Variants in MYO1B observed in about 807,000 individuals in gnomAD.
MYO1B encodes unconventional myosin-Ib.
In MYO1B, 72 loss-of-function variants were observed where a neutral mutation model predicts 159.7. That is an observed-to-expected ratio of 0.45 (90% CI 0.37 to 0.55). The LOEUF (loss-of-function observed/expected upper bound fraction) is 0.55. Among genes scored for constraint, MYO1B ranks in the 20% least tolerant of loss-of-function variants. The pLI, the probability that MYO1B is intolerant of heterozygous loss-of-function variation, is 0.00. For synonymous variants in MYO1B, 468 were observed against 473.8 expected (o/e 0.99, Z 0.16); for missense variants, 1,062 against 1,364.8 (o/e 0.78, Z 3.50).
At chr2:191,273,381 C>G (rs1687572597) in intron 1 of MYO1B, among the ~76,000 whole-genome samples, 1 of 152,186 alleles carries the variant, frequency 6.6e-6, no homozygotes, top group South Asian at 2.1e-4. Flanking sequence ...CCTCGGCCTC[C>G]CAAAGTGTTG....
At chr2:191,267,683 G>A (rs1050805957) in intron 1 of MYO1B, among the ~76,000 whole-genome samples, 1 of 152,178 alleles carries the variant, frequency 6.6e-6, no homozygotes, top group Non-Finnish European at 1.5e-5. Context: ...CACCCCGTGT[G>A]GTTCTGTGTG....
intron 11 of MYO1B, among the ~76,000 whole-genome samples, chr2:191,366,703 G>C (rs1179651663): frequency 6.6e-6 from 1 of 151,948 alleles, no homozygotes; most frequent in Non-Finnish European, 1.5e-5. Context: ...TTTATTCCTT[G>C]CTAGTTCTCT....
chr2:191,313,192 C>CTTTTTTTTTTTTT lies in MYO1B; in HGVS notation c.252-16720_252-16708dup, dbSNP rs762175060. Among the ~76,000 whole-genome samples, 60 of 43,012 alleles carry CTTTTTTTTTTTTT rather than the reference C, an allele frequency of 1.4e-3. 15 individuals are homozygous for CTTTTTTTTTTTTT. The highest frequency in any genetic ancestry group is 4.8e-3 in the East Asian group (6 of 1,256). The allele number at this position is 43,012 out of a possible 152,430, so 28.2% of individuals were successfully genotyped here. The stretch of plus-strand genomic sequence containing the variant: ...TAGTTATAATATCTGGCACACATGG[C>CTTTTTTTTTTTTT]TTTTTTTTTTTTTTTTTTTTTTTTT... On this transcript the variant is annotated intron_variant, in intron 3 of 30. Coordinates refer to ENST00000392318, the MANE Select transcript of MYO1B (RefSeq NM_001130158.3).
rs199750065 is a variant in MYO1B, at chr2:191,369,633, T to G, written c.1119+5T>G. 1 of 1,604,030 alleles carries G rather than the reference T, an allele frequency of 6.2e-7. No individual in the cohort carries two copies. The highest frequency in any genetic ancestry group is 1.3e-5 in the African/African-American group (1 of 74,820). ...CGAATCAATGAAAGCATTAAGGTAC[T>G]GAATTTCTATGAGCAAAATCAGTTG... On this transcript the variant is annotated splice_donor_5th_base_variant and intron_variant, in intron 12 of 30. Coordinates refer to ENST00000392318, the MANE Select transcript of MYO1B (RefSeq NM_001130158.3).
chr2:191,409,322 A>G, intron 26 of MYO1B, 144 bp downstream of exon 26: 2 of 952,414 alleles, frequency 2.1e-6, no homozygotes, highest in Non-Finnish European at 1.5e-6. Flanking sequence ...TCCCCCATGC[A>G]CCATATTGAG....
At chr2:191,366,436 A>C (rs528266592) in intron 11 of MYO1B, among the ~76,000 whole-genome samples, 1 of 151,502 alleles carries the variant, frequency 6.6e-6, no homozygotes, top group African/African-American at 2.4e-5. Flanking sequence ...CTACTGATCT[A>C]TTGCCTGGGA....
At chr2:191,292,116 G>A (rs1320657527) in intron 2 of MYO1B, among the ~76,000 whole-genome samples, 1 of 152,308 alleles carries the variant, frequency 6.6e-6, no homozygotes, top group East Asian at 1.9e-4. Flanking sequence ...AAGATAAAGA[G>A]GATATCTGAA....
intron 30 of MYO1B, among the ~76,000 whole-genome samples, chr2:191,419,453 T>G (rs913070991): frequency 6.6e-6 from 1 of 152,052 alleles, no homozygotes; most frequent in Admixed American, 6.6e-5. Context: ...CTCCTGACCT[T>G]GTGATCTGCC....
chr2:191,354,958 A>G (rs1377255840), intron 7 of MYO1B, among the ~76,000 whole-genome samples: 2 of 152,220 alleles, frequency 1.3e-5, no homozygotes, highest in Non-Finnish European at 2.9e-5. Context: ...CCCTGTGTCG[A>G]CAGCCTTGAT....
Position 191,256,963 on chromosome 2 carries a change from T to A in MYO1B, c.-10+11337T>A, listed in dbSNP as rs567783378. Among the ~76,000 whole-genome samples the A allele has an allele frequency of 2.6e-5, 4 of 152,026 alleles. No individual in the cohort carries two copies. In the South Asian group the frequency reaches 8.3e-4, roughly 32 times the overall value. ...TTCTGTGAATTTTTTTTTTAATCTG[T>A]CATTATTTTCCCTTTTTGTTTGTTC... On this transcript the variant is annotated intron_variant, in intron 1 of 30. Transcript: ENST00000392318.
chr2:191,364,159 G>A lies in MYO1B; in HGVS notation c.915G>A (p.Glu305=). The part of the protein sequence containing the change: ...LDESKIKDKN[E]LKEICELTGI... ...TGTCCATCCCCTGCCTTCCCACAGA[G>A]TTAAAAGAAATTTGTGAATTGACCG... Residue 305 remains glutamate, a splice_region_variant and synonymous_variant, in exon 11 of 31, where the codon GAG becomes GAA. Transcript: ENST00000392318. 1 of 1,613,494 alleles carries A rather than the reference G, an allele frequency of 6.2e-7. No homozygotes were observed.
chr2:191,252,222 T>C (rs1686165169), intron 1 of MYO1B, among the ~76,000 whole-genome samples: 1 of 152,242 alleles, frequency 6.6e-6, no homozygotes, highest in African/African-American at 2.4e-5. Context: ...ACCCCTGATA[T>C]AGTGAGCCAT....
intron 21 of MYO1B, among the ~76,000 whole-genome samples, chr2:191,399,999 C>G (rs910799099): frequency 7.2e-5 from 11 of 152,158 alleles, no homozygotes; most frequent in African/African-American, 2.7e-4. Context: ...AAAAGGACAG[C>G]TACAGTTACA....
chr2:191,306,126 C>T (rs754350812), intron 3 of MYO1B, among the ~76,000 whole-genome samples: 7 of 152,180 alleles, frequency 4.6e-5, no homozygotes, highest in East Asian at 1.9e-4. Context: ...GGAGAAACAA[C>T]GTGGGGAAGG....
At chr2:191,286,353 A>G (rs1688370658) in intron 2 of MYO1B, among the ~76,000 whole-genome samples, 1 of 152,036 alleles carries the variant, frequency 6.6e-6, no homozygotes, top group African/African-American at 2.4e-5. Context: ...AAAAAAAAAA[A>G]AAGACCGAGG....
chr2:191,362,238 A>C (rs1021890453), intron 8 of MYO1B, 30 bp from the exon 9 acceptor site: 2 of 1,557,524 alleles, frequency 1.3e-6, no homozygotes, highest in Non-Finnish European at 1.8e-6. Flanking sequence ...TATTGAAGCA[A>C]CTTAACAACT....
intron 8 of MYO1B, among the ~76,000 whole-genome samples, chr2:191,361,090 A>T (rs1183738920): frequency 2.6e-5 from 4 of 152,182 alleles, no homozygotes; most frequent in Non-Finnish European, 5.9e-5. Context: ...ACCTCACCAG[A>T]TACTGTGCCA....
At chr2:191,407,236 C>T (rs1473591333) in intron 24 of MYO1B, among the ~76,000 whole-genome samples, 3 of 151,780 alleles carry the variant, frequency 2.0e-5, no homozygotes, top group Non-Finnish European at 4.4e-5. Flanking sequence ...GCTTACATCC[C>T]GTAATGTAGA....
intron 15 of MYO1B, among the ~76,000 whole-genome samples, 189 bp from the exon 16 acceptor site, chr2:191,385,694 AC>A (rs1695359204): frequency 6.6e-6 from 1 of 152,120 alleles, no homozygotes; most frequent in South Asian, 2.1e-4. Context: ...CACCATACAC[AC>A]ACCTGGGATC....
Sources: gnomAD v4.1 joint callset for allele counts (sites outside exome capture counted in the v4.1 genomes callset) on GRCh38, gnomAD v4.1.1 for gene constraint, MANE v1.5 for transcripts, NCBI Gene and HGNC (gene_info 2026-07-23, HGNC 2026-07-21) for gene names.